Variants in NXPH1 observed in about 807,000 individuals in gnomAD.
NXPH1 encodes the protein neurexophilin 1, also known as neurexophilin-1.
A neutral mutation model predicts 23.7 loss-of-function variants in NXPH1; 5 were observed. The observed-to-expected ratio is 0.21, with a 90% CI of 0.11 to 0.44. The LOEUF (loss-of-function observed/expected upper bound fraction) is 0.44. Among genes scored for constraint, NXPH1 ranks in the 20% least tolerant of loss-of-function variants. The pLI, the probability that NXPH1 is intolerant of heterozygous loss-of-function variation, is 0.99. For missense variants in NXPH1, 324 were observed against 321.6 expected (o/e 1.01, Z -0.06); for synonymous variants, 144 against 122.2 (o/e 1.18, Z -1.18).
At chr7:8,493,368 T>C (rs1280435647) in intron 2 of NXPH1, among the ~76,000 whole-genome samples, 1 of 152,056 alleles carries the variant, frequency 6.6e-6, no homozygotes, top group East Asian at 1.9e-4. Context: ...AGTACTTCGC[T>C]GGCATAGAAA....
intron 2 of NXPH1, among the ~76,000 whole-genome samples, chr7:8,601,730 G>A (rs1358425859): frequency 6.6e-6 from 1 of 152,122 alleles, no homozygotes; most frequent in Admixed American, 6.5e-5. Context: ...CTTATTTAGG[G>A]CCTAGCTGCT....
intron 2 of NXPH1, among the ~76,000 whole-genome samples, chr7:8,438,011 C>T (rs1816226081): frequency 6.6e-6 from 1 of 152,216 alleles, no homozygotes; most frequent in Non-Finnish European, 1.5e-5. Flanking sequence ...CAGCTGATGG[C>T]TGTGACCCAA....
chr7:8,655,100 G>A (rs1820552235), intron 2 of NXPH1, among the ~76,000 whole-genome samples: 1 of 152,072 alleles, frequency 6.6e-6, no homozygotes, highest in African/African-American at 2.4e-5. Flanking sequence ...AAAAAATACA[G>A]GTGGCTGGGC....
chr7:8,562,988 C>T (rs189450590), intron 2 of NXPH1, among the ~76,000 whole-genome samples: 329 of 151,742 alleles, frequency 2.2e-3, no homozygotes, highest in Non-Finnish European at 3.6e-3. Flanking sequence ...TTAGAAATGG[C>T]TCCAGTAGAT....
At chr7:8,564,668 A>G (rs989040862) in intron 2 of NXPH1, among the ~76,000 whole-genome samples, 1 of 151,870 alleles carries the variant, frequency 6.6e-6, no homozygotes, top group Non-Finnish European at 1.5e-5. Context: ...AATGCTTTAC[A>G]AACTGGCCAT....
intron 2 of NXPH1, among the ~76,000 whole-genome samples, chr7:8,551,409 TAAA>T (rs1818273465): frequency 6.6e-6 from 1 of 151,494 alleles, no homozygotes; most frequent in Non-Finnish European, 1.5e-5. Flanking sequence ...CTTTACTAAA[TAAA>T]ATTCAGCCAG....
At chr7:8,620,631 G>A (rs1819847821) in intron 2 of NXPH1, among the ~76,000 whole-genome samples, 1 of 152,182 alleles carries the variant, frequency 6.6e-6, no homozygotes, top group South Asian at 2.1e-4. Flanking sequence ...AGATCTGAGA[G>A]AGAAACTGAG....
At chr7:8,518,281 G>A (rs867361579) in intron 2 of NXPH1, among the ~76,000 whole-genome samples, 16 of 152,146 alleles carry the variant, frequency 1.1e-4, no homozygotes, top group African/African-American at 3.4e-4. Flanking sequence ...AGGGGCCTGG[G>A]TATGTAATAT....
intron 2 of NXPH1, among the ~76,000 whole-genome samples, chr7:8,573,180 T>A (rs1171956943): frequency 6.6e-6 from 1 of 152,078 alleles, no homozygotes; most frequent in Non-Finnish European, 1.5e-5. Context: ...CATTTCTCCT[T>A]GTCATTAAAA....
chr7:8,698,544 T>C (rs533004970), intron 2 of NXPH1, among the ~76,000 whole-genome samples: 2 of 152,174 alleles, frequency 1.3e-5, no homozygotes, highest in Non-Finnish European at 2.9e-5. Flanking sequence ...GATTTCAACA[T>C]GTCTTGTAGC....
At chr7:8,672,800 G>A (rs989100873) in intron 2 of NXPH1, among the ~76,000 whole-genome samples, 1 of 152,106 alleles carries the variant, frequency 6.6e-6, no homozygotes, top group Admixed American at 6.6e-5. Context: ...CCTTTCAAAC[G>A]GTTCTTTCTT....
rs192443458 is a variant in NXPH1, at chr7:8,528,828, A to G, written c.54+93061A>G. On this transcript the variant is annotated intron_variant, in intron 2 of 2. Transcript: ENST00000405863. ...ACAGAAGAGAGTACATGAGTTTTCT[A>G]TTGCTCTAATAACAAATTTCCACAA... Among the ~76,000 whole-genome samples the G allele has an allele frequency of 2.6e-5, 4 of 152,356 alleles. No homozygotes were observed. The East Asian group carries it at 7.7e-4, about 29-fold the overall frequency.
chr7:8,444,765 G>T (rs777677837), intron 2 of NXPH1, among the ~76,000 whole-genome samples: 19 of 152,248 alleles, frequency 1.2e-4, no homozygotes, highest in Non-Finnish European at 2.1e-4. Flanking sequence ...AAGATAGGAT[G>T]TAGCAGTTTT....
intron 2 of NXPH1, among the ~76,000 whole-genome samples, chr7:8,655,648 A>C (rs1259330586): frequency 6.6e-6 from 1 of 151,992 alleles, no homozygotes; most frequent in Non-Finnish European, 1.5e-5. Context: ...TTGATTATTG[A>C]AAGATTTTCT....
intron 2 of NXPH1, among the ~76,000 whole-genome samples, chr7:8,466,761 C>T (rs1279447926): frequency 6.6e-6 from 1 of 152,150 alleles, no homozygotes. Context: ...TCTAGTCTTT[C>T]GTTCCCTTGT....
chr7:8,500,117 G>A (rs976009106), intron 2 of NXPH1, among the ~76,000 whole-genome samples: 4 of 152,066 alleles, frequency 2.6e-5, no homozygotes, highest in Non-Finnish European at 5.9e-5. Flanking sequence ...AACTCACACA[G>A]GCAGAAGTTT....
chr7:8,634,430 G>A (rs1344033693), intron 2 of NXPH1, among the ~76,000 whole-genome samples: 1 of 152,088 alleles, frequency 6.6e-6, no homozygotes, highest in Non-Finnish European at 1.5e-5. Flanking sequence ...TGTAAATTAA[G>A]TCTTTTACTT....
chr7:8,619,559 TG>T (rs1376907559), intron 2 of NXPH1, among the ~76,000 whole-genome samples: 17 of 152,324 alleles, frequency 1.1e-4, no homozygotes, highest in African/African-American at 3.6e-4. Flanking sequence ...CCCATGTGTC[TG>T]TACTGTCAGT....
rs543287862 is a variant in NXPH1 at position 8,738,760 on chromosome 7, T to A, written c.55-12248T>A. On this transcript the variant is annotated intron_variant, in intron 2 of 2. Coordinates refer to ENST00000405863, the MANE Select transcript of NXPH1 (RefSeq NM_152745.3). ...CCCCAGGTGCTCTGTCTCAGGAAGA[T>A]GGGAGTTTTATCTATAAGCCCCTGA... is the stretch of plus-strand genomic sequence containing the variant. Among the ~76,000 whole-genome samples the A allele has an allele frequency of 3.3e-5, 5 of 152,234 alleles. No homozygotes were observed. The South Asian group carries it at 1.0e-3, about 32-fold the overall frequency.
Sources: allele counts gnomAD v4.1 joint callset (sites outside exome capture counted in the v4.1 genomes callset), GRCh38; gene constraint gnomAD v4.1.1; transcripts MANE v1.5; gene names NCBI Gene and HGNC (gene_info 2026-07-23, HGNC 2026-07-21).